Variants in RNF157 observed in about 807,000 individuals in gnomAD.
RNF157 encodes E3 ubiquitin ligase RNF157.
A neutral mutation model predicts 88.3 loss-of-function variants in RNF157; 55 were observed. The observed-to-expected ratio is 0.62, with a 90% confidence interval of 0.50 to 0.78. RNF157 has a LOEUF of 0.78. RNF157 is among the 30% of genes least tolerant of loss of function. The probability of loss-of-function intolerance (pLI) is 0.00; values close to 1 mark genes in which losing one functional copy is unlikely to be tolerated. For missense variants in RNF157, 788 were observed against 860.8 expected, an observed-to-expected ratio of 0.92 and a Z score of 1.06; for synonymous variants, 334 against 341.2, an observed-to-expected ratio of 0.98 and a Z score of 0.23.
chr17:76,152,308 C>T (rs1264594982), intron 18 of RNF157, 47 bp downstream of exon 18: 3 of 1,222,236 alleles, frequency 2.5e-6, no homozygotes, highest in African/African-American at 3.0e-5. Flanking sequence ...GGTAAGAGCA[C>T]AGGGATCGTC....
chr17:76,223,951 C>A (rs909946948), intron 1 of RNF157, among the ~76,000 whole-genome samples: 5 of 152,218 alleles, frequency 3.3e-5, no homozygotes, highest in African/African-American at 1.2e-4. Context: ...AAGGCCCACA[C>A]TGGCCAGAGC....
intron 1 of RNF157, chr17:76,226,933 G>A: frequency 2.7e-6 from 2 of 733,374 alleles, no homozygotes; most frequent in South Asian, 2.0e-5. Flanking sequence ...TGCCGCTGCA[G>A]AGCCTGGTGC....
chr17:76,224,143 A>G (rs1466457232), intron 1 of RNF157, among the ~76,000 whole-genome samples: 1 of 152,200 alleles, frequency 6.6e-6, no homozygotes, highest in African/African-American at 2.4e-5. Flanking sequence ...ACAAAGGAAA[A>G]TCAACTATTT....
At position 76,194,068 on chromosome 17, in the gene RNF157, T is replaced by G. The variant is rs1470487980; in HGVS notation, c.207+18296A>C. On this transcript the variant is annotated intron_variant, in intron 2 of 18. Coordinates refer to ENST00000269391, the MANE Select transcript of RNF157 (RefSeq NM_052916.3). Reference sequence around the variant, plus strand: ...GGCACATTCTGTTTTTTTGTTGGTTTGTTTATCAAGGTATAATTTATATAC... The same window carrying G: ...GGCACATTCTGTTTTTTTGTTGGTTGGTTTATCAAGGTATAATTTATATAC... 1.3e-5 allele frequency among the ~76,000 whole-genome samples: 2 copies of G among 152,214 alleles called. 1 individual carries two copies. The highest frequency in any genetic ancestry group is 4.1e-4 in the South Asian group (2 of 4,830).
intron 2 of RNF157, among the ~76,000 whole-genome samples, chr17:76,191,475 C>T (rs1442808135): frequency 6.6e-6 from 1 of 151,874 alleles, no homozygotes; most frequent in Non-Finnish European, 1.5e-5. Context: ...TGGTGGCAGG[C>T]ACCTGTAATC....
rs1225475599 is a variant in RNF157 at position 76,143,651 on chromosome 17, C to A, written c.*1584G>T. 1.3e-5 allele frequency: 2 copies of A among 152,210 alleles called. No homozygotes were observed. The highest frequency in any genetic ancestry group is 2.4e-5 in the African/African-American group (1 of 41,438). The allele number at this position is 152,210 out of a possible 1,614,324, so 9.4% of individuals were successfully genotyped here. On this transcript the variant is annotated 3_prime_UTR_variant, in exon 19 of 19. Coordinates refer to ENST00000269391, the MANE Select transcript of RNF157 (RefSeq NM_052916.3). ...CATCAGGGCAGGATGTGAGCCACAACCACTAGGCAGTGAGACAGTCACTGC... is the reference window on the plus strand; with the variant it reads ...CATCAGGGCAGGATGTGAGCCACAAACACTAGGCAGTGAGACAGTCACTGC...
rs1191432746 is a variant in RNF157, at chr17:76,182,812, T to C, written c.208-9022A>G. 6.4e-5 allele frequency among the ~76,000 whole-genome samples: 8 copies of C among 125,452 alleles called. No individual in the cohort carries two copies. The South Asian group carries it at 1.5e-3, about 23-fold the overall frequency. 82.3% of individuals were successfully genotyped at this position (125,452 alleles called of 152,430 possible). A position where few individuals can be genotyped will look rare whatever the true frequency, so the allele number is the denominator to read the frequency against. ...ATGAGAGATATATATATGAGAGAGA[T>C]ATATATCCTATATATCCTATATATG... is the stretch of plus-strand genomic sequence containing the variant. On this transcript the variant is annotated intron_variant, in intron 2 of 18. Coordinates refer to ENST00000269391, the MANE Select transcript of RNF157 (RefSeq NM_052916.3).
At position 76,162,571 on chromosome 17, in the gene RNF157, T is replaced by C; in HGVS notation, c.773A>G (p.Tyr258Cys). Residue 258 changes from tyrosine (Y) to cysteine (C), a missense_variant, in exon 9 of 19, where the codon TAC (tyrosine) becomes TGC (cysteine). Tyr to Cys is a radical substitution (Grantham distance 194). Transcript: ENST00000269391. Reference protein sequence around the residue: ...LQEIYGIENKYNTQDSKVAED... With the variant: ...LQEIYGIENKCNTQDSKVAED... ...ACTTACCTTAGAATCTTGTGTGTTG[T>C]ACTTGTTTTCAATTCCATAGATCTC... The C allele has an allele frequency of 6.2e-7, 1 of 1,613,342 alleles. No individual in the cohort carries two copies. The highest frequency in any genetic ancestry group is 8.5e-7 in the Non-Finnish European group (1 of 1,179,608).
In RNF157 at chr17:76,199,151, C is replaced by A. The variant is rs542571623; in HGVS notation, c.207+13213G>T. Among the ~76,000 whole-genome samples, 10 of 152,354 alleles carry A rather than the reference C, an allele frequency of 6.6e-5. No individual in the cohort carries two copies. The South Asian group carries it at 1.9e-3, about 28-fold the overall frequency. On this transcript the variant is annotated intron_variant, in intron 2 of 18. Coordinates refer to ENST00000269391, the MANE Select transcript of RNF157 (RefSeq NM_052916.3). ...GTGTAACAGAGAGGGGAAAGAAGAT[C>A]AAAGTTGGCAACATGTTATGATCAT...
intron 7 of RNF157, 54 bp from the exon 8 acceptor site, chr17:76,164,849 G>C: frequency 7.4e-7 from 1 of 1,353,802 alleles, no homozygotes; most frequent in East Asian, 2.3e-5. Context: ...TAAAGCACCA[G>C]GTATTCTTCT....
At chr17:76,183,758 ATTTG>A (rs1425011683) in intron 2 of RNF157, among the ~76,000 whole-genome samples, 6 of 151,992 alleles carry the variant, frequency 3.9e-5, no homozygotes, top group South Asian at 2.1e-4. Flanking sequence ...TTATTTCTTC[ATTTG>A]TTTAATTATA....
chr17:76,209,747 C>T (rs571759907), intron 2 of RNF157, among the ~76,000 whole-genome samples: 9 of 152,028 alleles, frequency 5.9e-5, no homozygotes, highest in South Asian at 4.2e-4. Flanking sequence ...ATAGAAGAAA[C>T]GGCTACTTTC....
In RNF157 at chr17:76,182,451, C is replaced by CTGTGTGTGTGTGTGTG. The variant is rs5822121; in HGVS notation, c.208-8677_208-8662dup. Among the ~76,000 whole-genome samples the CTGTGTGTGTGTGTGTG allele has an allele frequency of 1.7e-4, 25 of 144,118 alleles. No homozygotes were observed. The East Asian group carries it at 2.3e-3, about 13-fold the overall frequency. 94.5% of individuals were successfully genotyped at this position (144,118 alleles called of 152,430 possible). A position where few individuals can be genotyped will look rare whatever the true frequency, so the allele number is the denominator to read the frequency against. Reference sequence around the variant, plus strand: ...ACACATGGGCACACACGCATTTAGTCTGTGTGTGTGTGTGTGTGTGTGTGT... The same window carrying CTGTGTGTGTGTGTGTG: ...ACACATGGGCACACACGCATTTAGTCTGTGTGTGTGTGTGTGTGTGTGTGTGTGTGTGTGTGTGTGT... On this transcript the variant is annotated intron_variant, in intron 2 of 18. Coordinates refer to ENST00000269391, the MANE Select transcript of RNF157 (RefSeq NM_052916.3).
chr17:76,172,251 C>T (rs1183260855), intron 3 of RNF157, among the ~76,000 whole-genome samples: 1 of 152,108 alleles, frequency 6.6e-6, no homozygotes, highest in Non-Finnish European at 1.5e-5. Context: ...GAAGTTAAGG[C>T]TGCAGTGAGC....
rs374124677 is a variant in RNF157 at position 76,173,143 on chromosome 17, G to A, written c.296+559C>T. 5.3e-5 allele frequency among the ~76,000 whole-genome samples: 8 copies of A among 151,922 alleles called. No individual in the cohort carries two copies. The East Asian group carries it at 5.8e-4, about 11-fold the overall frequency. On this transcript the variant is annotated intron_variant, in intron 3 of 18. Transcript: ENST00000269391. ...CTATTAAAAATACAAAAAATTAGCC[G>A]GACGTGGTGGCGGGCGCCTGTAGTC...
chr17:76,177,447 G>A (rs926584093), intron 2 of RNF157, among the ~76,000 whole-genome samples: 12 of 152,004 alleles, frequency 7.9e-5, no homozygotes, highest in Admixed American at 6.6e-4. Flanking sequence ...GCACATGCTC[G>A]GGGTAGCGCT....
At position 76,186,669 on chromosome 17, in the gene RNF157, G is replaced by C. The variant is rs145332038; in HGVS notation, c.208-12879C>G. 1.8e-3 allele frequency among the ~76,000 whole-genome samples: 269 copies of C among 152,232 alleles called. 1 individual carries two copies. Among genetic ancestry groups the C allele is most frequent in the African/African-American group, 6.4e-3 (265 of 41,520 alleles). On this transcript the variant is annotated intron_variant, in intron 2 of 18. Transcript: ENST00000269391. ...ATCTCAGGTCTGGGCCGGGGGGGCA[G>C]TGGCTCACGCCTGTAATCCCAGCAC... is the stretch of plus-strand genomic sequence containing the variant.
intron 2 of RNF157, among the ~76,000 whole-genome samples, chr17:76,192,010 T>C (rs1249361467): frequency 1.3e-5 from 2 of 152,216 alleles, no homozygotes; most frequent in Non-Finnish European, 2.9e-5. Context: ...TGCATCTCTT[T>C]AAATGCTGAA....
intron 2 of RNF157, among the ~76,000 whole-genome samples, chr17:76,209,799 G>A (rs1436565519): frequency 1.3e-5 from 2 of 152,020 alleles, no homozygotes; most frequent in African/African-American, 2.4e-5. Flanking sequence ...TCACTCTGTC[G>A]CCCAGGCTGG....
Sources: gnomAD v4.1 joint callset for allele counts (sites outside exome capture counted in the v4.1 genomes callset) on GRCh38, gnomAD v4.1.1 for gene constraint, MANE v1.5 for transcripts, NCBI Gene and HGNC (gene_info 2026-07-23, HGNC 2026-07-21) for gene names.